Variants in ELAVL3 observed in about 807,000 individuals in gnomAD.
ELAVL3 encodes ELAV like RNA binding protein 3.
A neutral mutation model predicts 34.2 loss-of-function variants in ELAVL3; 8 were observed. The observed-to-expected ratio is 0.23, with a 90% CI of 0.14 to 0.42. ELAVL3 has a LOEUF of 0.42. Among genes scored for constraint, ELAVL3 ranks in the 10% least tolerant of loss-of-function variants. The probability of loss-of-function intolerance (pLI) is 1.00; values close to 1 mark genes in which losing one functional copy is unlikely to be tolerated. For synonymous variants in ELAVL3, 209 were observed against 222.1 expected (o/e 0.94, Z 0.53); for missense variants, 273 against 518.8 (o/e 0.53, Z 4.60).
chr19:11,462,831 T>G (rs1449790098), intron 3 of ELAVL3, among the ~76,000 whole-genome samples: 5 of 144,790 alleles, frequency 3.5e-5, no homozygotes, highest in East Asian at 2.1e-4. Context: ...GCATGGTGGC[T>G]GGCGCCTGTA....
chr19:11,467,025 C>T (rs956700677), intron 1 of ELAVL3, among the ~76,000 whole-genome samples, 198 bp from the exon 2 acceptor site: 1 of 152,144 alleles, frequency 6.6e-6, no homozygotes, highest in Non-Finnish European at 1.5e-5. Context: ...AACAAAGCAC[C>T]TGATGTTTTT....
At position 11,454,519 on chromosome 19, in the gene ELAVL3, G is replaced by A. The variant is rs1484794334; in HGVS notation, c.*7C>T. On this transcript the variant is annotated 3_prime_UTR_variant, in exon 7 of 7. Transcript: ENST00000359227. The surrounding 1 kb of genome is among the most constrained non-coding windows in gnomAD (Gnocchi z 9.2). The stretch of plus-strand genomic sequence containing the variant: ...GGGGAGGGGGTGGGAGGGCAGGCGG[G>A]GTGGGCTCACGCCTTGTGCTGTTTG... 6.3e-7 allele frequency: 1 copy of A among 1,585,566 alleles called. No homozygotes were observed. Among genetic ancestry groups the A allele is most frequent in the South Asian group, 1.1e-5 (1 of 88,054 alleles).
At chr19:11,478,608 T>A (rs192614097) in intron 1 of ELAVL3, among the ~76,000 whole-genome samples, 1 of 152,248 alleles carries the variant, frequency 6.6e-6, no homozygotes, top group African/African-American at 2.4e-5. Flanking sequence ...CCCCCGACTT[T>A]TGGTTTCTCT....
chr19:11,475,603 C>G (rs1971247144), intron 1 of ELAVL3, among the ~76,000 whole-genome samples: 1 of 150,138 alleles, frequency 6.7e-6, no homozygotes, highest in Non-Finnish European at 1.5e-5. Flanking sequence ...TGCACCTGGT[C>G]ACCATCTACT....
At chr19:11,473,779 C>T (rs899618632) in intron 1 of ELAVL3, among the ~76,000 whole-genome samples, 2 of 152,222 alleles carry the variant, frequency 1.3e-5, no homozygotes, top group African/African-American at 4.8e-5. Flanking sequence ...CCAACTTCCA[C>T]TGCCAACCAA....
chr19:11,462,961 CAAA>C (rs1169791063), intron 3 of ELAVL3, among the ~76,000 whole-genome samples: 11 of 73,048 alleles, frequency 1.5e-4, no homozygotes, highest in East Asian at 4.8e-4. Context: ...GACTCCGTCT[CAAA>C]AAAAAAAAAA....
rs972965583 is a variant in ELAVL3, at chr19:11,480,089, T to A, written c.9+511A>T. On this transcript the variant is annotated intron_variant, in intron 1 of 6. Coordinates refer to ENST00000359227, the MANE Select transcript of ELAVL3 (RefSeq NM_001420.4). The surrounding 1 kb of genome is among the most constrained non-coding windows in gnomAD (Gnocchi z 6.8). ...GCGCCCCCTCCTCTCCCCTCCCCGC[T>A]TGCCGCAAGGTCGACGGGCTCGAGG... Among the ~76,000 whole-genome samples the A allele has an allele frequency of 6.6e-6, 1 of 151,640 alleles. No homozygotes were observed. The highest frequency in any genetic ancestry group is 2.4e-5 in the African/African-American group (1 of 41,306).
intron 1 of ELAVL3, among the ~76,000 whole-genome samples, chr19:11,470,036 G>A (rs1248254341): frequency 1.3e-5 from 2 of 151,712 alleles, no homozygotes; most frequent in African/African-American, 4.8e-5. Context: ...CTGCCTGGGC[G>A]ACCGAGTGAG....
chr19:11,463,143 G>A (rs1970926667), intron 3 of ELAVL3, among the ~76,000 whole-genome samples: 1 of 152,128 alleles, frequency 6.6e-6, no homozygotes, highest in Admixed American at 6.6e-5. Flanking sequence ...AACACCGTCT[G>A]AGACACAGAG....
In ELAVL3 at chr19:11,472,895, C is replaced by G. The variant is rs987222275; in HGVS notation, c.10-6068G>C. 3.3e-5 allele frequency among the ~76,000 whole-genome samples: 5 copies of G among 151,484 alleles called. No individual in the cohort carries two copies. In the South Asian group the frequency reaches 1.0e-3, roughly 32 times the overall value. ...ATCCTGACCAAACATGGTGAAACCC[C>G]GTCTCTACTAAAAATACAAAAATTA... On this transcript the variant is annotated intron_variant, in intron 1 of 6. Transcript: ENST00000359227.
chr19:11,468,014 T>C, intron 1 of ELAVL3, among the ~76,000 whole-genome samples: 1 of 152,190 alleles, frequency 6.6e-6, no homozygotes, highest in East Asian at 1.9e-4. Context: ...GGTCTCAAAC[T>C]CTTGGGCTCT....
chr19:11,458,665 GGA>G lies in ELAVL3; in HGVS notation c.334-56_334-55del. ...TGAGGCAGAGACCCATTTCACAGAT[GGA>G]GAGAGTGAGGCCATGTCTAAACCAT... On this transcript the variant is annotated intron_variant, in intron 3 of 6. Coordinates refer to ENST00000359227, the MANE Select transcript of ELAVL3 (RefSeq NM_001420.4). The surrounding 1 kb of genome is among the most constrained non-coding windows in gnomAD (Gnocchi z 7.3). 6.2e-7 allele frequency: 1 copy of G among 1,600,346 alleles called. No individual in the cohort carries two copies.
At chr19:11,465,316 TACAC>T (rs1370799602) in intron 3 of ELAVL3, among the ~76,000 whole-genome samples, 46 of 127,880 alleles carry the variant, frequency 3.6e-4, no homozygotes, top group African/African-American at 9.2e-4. Context: ...ACCACACACA[TACAC>T]ACATGCACAC....
At chr19:11,457,027 C>A (rs1195433259) in intron 6 of ELAVL3, 83 bp downstream of exon 6, 3 of 1,280,922 alleles carry the variant, frequency 2.3e-6, no homozygotes, top group Non-Finnish European at 3.1e-6. Flanking sequence ...GCTAAGCCTG[C>A]AGCCCTGGGG....
At chr19:11,455,165 A>AT (rs951654760) in intron 6 of ELAVL3, among the ~76,000 whole-genome samples, 10 of 151,598 alleles carry the variant, frequency 6.6e-5, no homozygotes, top group African/African-American at 2.2e-4. Flanking sequence ...CACCCAGCTA[A>AT]TTTTTTTTAT....
Position 11,451,492 on chromosome 19 carries a change from G to GTTTTTT in ELAVL3, c.*3033_*3034insAAAAAA, listed in dbSNP as rs1568374278. On this transcript the variant is annotated 3_prime_UTR_variant, in exon 7 of 7. Transcript: ENST00000359227. ...TTTTTTTTTTTTTGTCTTTTGTTTTGTCTTTTTTTTTTTTTTTTTTTTTAC... is the reference window on the plus strand; with the variant it reads ...TTTTTTTTTTTTTGTCTTTTGTTTTGTTTTTTTCTTTTTTTTTTTTTTTTTTTTTAC... 5 of 77,350 alleles carry GTTTTTT rather than the reference G, an allele frequency of 6.5e-5. No homozygotes were observed. The highest frequency in any genetic ancestry group is 1.3e-4 in the Admixed American group (1 of 7,772). The allele number at this position is 77,350 out of a possible 1,614,324, so 4.8% of individuals were successfully genotyped here. A position where few individuals can be genotyped will look rare whatever the true frequency, so the allele number is the denominator to read the frequency against.
Position 11,466,154 on chromosome 19 carries a change from G to A in ELAVL3, c.333+18C>T. The A allele has an allele frequency of 3.7e-6, 6 of 1,611,386 alleles. No individual in the cohort carries two copies. In the South Asian group the frequency reaches 4.4e-5, roughly 12 times the overall value. ...TTGGGGTGGGCGGTCATGGGGGATT[G>A]GAGAAGGAGGCACCAACCTTGATGG... On this transcript the variant is annotated intron_variant, in intron 3 of 6. Coordinates refer to ENST00000359227, the MANE Select transcript of ELAVL3 (RefSeq NM_001420.4). This position sits in a 1 kb window ranked among gnomAD's most constrained non-coding sequence, Gnocchi z 5.0.
Position 11,466,630 on chromosome 19 carries a change from C to T in ELAVL3, c.207G>A (p.Lys69=), listed in dbSNP as rs767500000. 1.2e-6 allele frequency: 2 copies of T among 1,614,178 alleles called. No homozygotes were observed. Among genetic ancestry groups the T allele is most frequent in the Non-Finnish European group, 1.7e-6 (2 of 1,180,044 alleles). Residue 69 remains lysine, a synonymous_variant, in exon 2 of 7, where the codon AAG becomes AAA. Coordinates refer to ENST00000359227, the MANE Select transcript of ELAVL3 (RefSeq NM_001420.4). The surrounding 1 kb of genome is among the most constrained non-coding windows in gnomAD (Gnocchi z 5.0). ...FGSIGDIESC[K]LVRDKITGQS... Reference sequence around the variant, plus strand: ...CACCTGTGATCTTGTCCCGAACCAACTTGCAGGACTCGATGTCGCCAATGC... The same window carrying T: ...CACCTGTGATCTTGTCCCGAACCAATTTGCAGGACTCGATGTCGCCAATGC...
intron 3 of ELAVL3, among the ~76,000 whole-genome samples, chr19:11,464,695 CAT>C (rs1970978562): frequency 1.4e-5 from 2 of 138,158 alleles, no homozygotes; most frequent in African/African-American, 2.8e-5. Context: ...CCCCCACACA[CAT>C]ACACCACACA....
Sources: allele counts gnomAD v4.1 joint callset (sites outside exome capture counted in the v4.1 genomes callset), GRCh38; gene constraint gnomAD v4.1.1; non-coding constraint Gnocchi (gnomAD v3.1); transcripts MANE v1.5; gene names NCBI Gene and HGNC (gene_info 2026-07-23, HGNC 2026-07-21).